The following KIAA1671 variants were observed in gnomAD, a reference collection of about 807,000 sequenced individuals.
KIAA1671 encodes KIAA1671, also known as uncharacterized protein KIAA1671.
In KIAA1671, 52 loss-of-function variants were observed where a neutral mutation model predicts 131.2. The observed-to-expected ratio is 0.40, with a 90% CI of 0.32 to 0.50. The LOEUF is 0.50. Among genes scored for constraint, KIAA1671 ranks in the 20% least tolerant of loss-of-function variants. KIAA1671 has a pLI of 0.73. For missense variants in KIAA1671, 2,360 were observed against 2,364.2 expected (o/e 1.00, Z 0.04); for synonymous variants, 1,003 against 961.6 (o/e 1.04, Z -0.80).
At chr22:25,115,185 T>C (rs1389856171) in intron 6 of KIAA1671, among the ~76,000 whole-genome samples, 1 of 152,168 alleles carries the variant, frequency 6.6e-6, no homozygotes, top group Non-Finnish European at 1.5e-5. Flanking sequence ...CATGTGAGCC[T>C]GAGAAACACG....
intron 6 of KIAA1671, among the ~76,000 whole-genome samples, chr22:25,157,736 C>T (rs1167037859): frequency 6.6e-6 from 1 of 151,946 alleles, no homozygotes; most frequent in Non-Finnish European, 1.5e-5. Flanking sequence ...ATCAGTCTCT[C>T]CTATTTTGCA....
At chr22:25,074,970 G>C (rs1016222314) in intron 6 of KIAA1671, among the ~76,000 whole-genome samples, 1 of 152,138 alleles carries the variant, frequency 6.6e-6, no homozygotes, top group Non-Finnish European at 1.5e-5. Flanking sequence ...ACTTATTTTA[G>C]AATACTTGAG....
intron 1 of KIAA1671, among the ~76,000 whole-genome samples, chr22:25,004,843 G>A (rs868014704): frequency 6.6e-6 from 1 of 151,840 alleles, no homozygotes; most frequent in Non-Finnish European, 1.5e-5. Context: ...CTACTCGGGA[G>A]GCTGAGGCAG....
At chr22:24,953,929 C>G (rs1320220975) in intron 1 of KIAA1671, among the ~76,000 whole-genome samples, 20 of 152,084 alleles carry the variant, frequency 1.3e-4, no homozygotes. Context: ...AACACTTAAC[C>G]TATCTGAATC....
chr22:25,159,118 C>T (rs991660920), intron 6 of KIAA1671, among the ~76,000 whole-genome samples: 4 of 152,106 alleles, frequency 2.6e-5, no homozygotes, highest in African/African-American at 7.2e-5. Context: ...CCTGGGCCTC[C>T]CAGCCCAGCT....
intron 6 of KIAA1671, among the ~76,000 whole-genome samples, chr22:25,073,915 A>G (rs1928960194): frequency 6.6e-6 from 1 of 152,170 alleles, no homozygotes; most frequent in African/African-American, 2.4e-5. Flanking sequence ...GCTGGTCTCA[A>G]ACTCCTGACC....
At chr22:25,153,169 C>T (rs184868457) in intron 6 of KIAA1671, among the ~76,000 whole-genome samples, 24 of 152,234 alleles carry the variant, frequency 1.6e-4, no homozygotes, top group African/African-American at 5.5e-4. Context: ...TGTATATGTA[C>T]CATATGCATA....
chr22:25,150,137 G>A (rs138781031), intron 6 of KIAA1671, among the ~76,000 whole-genome samples: 55 of 152,348 alleles, frequency 3.6e-4, no homozygotes, highest in Non-Finnish European at 6.8e-4. Context: ...TGTCCTGAGC[G>A]AGCACCAGAC....
chr22:25,015,912 G>A (rs990857047), intron 1 of KIAA1671, among the ~76,000 whole-genome samples: 21 of 152,190 alleles, frequency 1.4e-4, no homozygotes, highest in African/African-American at 4.6e-4. Flanking sequence ...CACTCCGTAC[G>A]AAAATGAGCT....
chr22:25,070,093 A>T, intron 6 of KIAA1671: 1 of 343,574 alleles, frequency 2.9e-6, no homozygotes, highest in Admixed American at 4.8e-5. Flanking sequence ...AGCTGGGTTC[A>T]GAAGGATCCA....
At chr22:25,075,445 G>A (rs1929052294) in intron 6 of KIAA1671, among the ~76,000 whole-genome samples, 1 of 151,816 alleles carries the variant, frequency 6.6e-6, no homozygotes, top group Admixed American at 6.6e-5. Context: ...TTCGCTTTTA[G>A]TTTCATCCCT....
intron 6 of KIAA1671, among the ~76,000 whole-genome samples, chr22:25,085,468 C>T (rs936155574): frequency 6.6e-6 from 1 of 152,136 alleles, no homozygotes; most frequent in Non-Finnish European, 1.5e-5. Context: ...GTGTATATTT[C>T]CAGCAGTTTC....
At chr22:25,031,127 A>G (rs940468505) in intron 3 of KIAA1671, among the ~76,000 whole-genome samples, 2 of 151,846 alleles carry the variant, frequency 1.3e-5, no homozygotes, top group Admixed American at 6.5e-5. Context: ...CCCGGGTTCA[A>G]GTGATTCTCC....
At chr22:25,177,628 G>A (rs1241237477) in intron 9 of KIAA1671, 106 bp downstream of exon 9, 4 of 940,198 alleles carry the variant, frequency 4.3e-6, no homozygotes, top group Non-Finnish European at 4.7e-6. Context: ...TAGATCATTA[G>A]AACACAATTA....
intron 6 of KIAA1671, among the ~76,000 whole-genome samples, chr22:25,155,024 G>A (rs1013580453): frequency 1.1e-4 from 16 of 152,170 alleles, no homozygotes; most frequent in Admixed American, 2.6e-4. Context: ...GGCCTTCTGC[G>A]CCCTCTCCCC....
In KIAA1671 at chr22:25,103,212, C is replaced by CATT. The variant is rs1555878794; in HGVS notation, c.4530+53848_4530+53849insATT. Among the ~76,000 whole-genome samples the CATT allele has an allele frequency of 1.7e-4, 24 of 140,352 alleles. 1 individual carries two copies. The highest frequency in any genetic ancestry group is 6.3e-4 in the African/African-American group (24 of 37,822). 92.1% of individuals were successfully genotyped at this position (140,352 alleles called of 152,430 possible). Reference sequence around the variant, plus strand: ...CTTGGGCAAGTCCCCCCCCAACCGCCTTTTTTTTTTTTTTTGAGAACGGCG... The same window carrying CATT: ...CTTGGGCAAGTCCCCCCCCAACCGCCATTTTTTTTTTTTTTTTTGAGAACGGCG... On this transcript the variant is annotated intron_variant, in intron 6 of 12. Transcript: ENST00000358431.
At chr22:25,184,564 T>C (rs1288283740) in intron 10 of KIAA1671, among the ~76,000 whole-genome samples, 2 of 152,188 alleles carry the variant, frequency 1.3e-5, no homozygotes, top group Non-Finnish European at 2.9e-5. Context: ...GGTTTTCTTA[T>C]GGGACTCTAA....
intron 6 of KIAA1671, among the ~76,000 whole-genome samples, chr22:25,121,289 T>C (rs1288740068): frequency 6.6e-6 from 1 of 152,044 alleles, no homozygotes; most frequent in Admixed American, 6.6e-5. Flanking sequence ...GGTGAAAACC[T>C]ATCTCTACTA....
At position 25,039,337 on chromosome 22, in the gene KIAA1671, T is replaced by C; in HGVS notation, c.2207T>C (p.Val736Ala). 1 of 1,551,976 alleles carries C rather than the reference T, an allele frequency of 6.4e-7. No homozygotes were observed. Among genetic ancestry groups the C allele is most frequent in the Non-Finnish European group, 8.7e-7 (1 of 1,147,060 alleles). ...SQRIEPRYDIVHAVGERVHSE... is the reference protein window; with the variant it reads ...SQRIEPRYDIAHAVGERVHSE... Reference sequence around the variant, plus strand: ...AGAATTGAGCCCAGATATGACATTGTGCATGCAGTGGGAGAGCGTGTGCAC... The same window carrying C: ...AGAATTGAGCCCAGATATGACATTGCGCATGCAGTGGGAGAGCGTGTGCAC... Residue 736 changes from valine to alanine, a missense_variant, in exon 5 of 13, where the codon GTG becomes GCG. Physicochemically the swap from Val to Ala is moderately conservative, Grantham distance 64. This residue lies in a region of KIAA1671 where 1,185 missense variants were observed against 1,126.2 expected (regional missense o/e 1.05). Coordinates refer to ENST00000358431, the MANE Select transcript of KIAA1671 (RefSeq NM_001145206.2).
Sources: allele counts gnomAD v4.1 joint callset (sites outside exome capture counted in the v4.1 genomes callset), GRCh38; gene constraint gnomAD v4.1.1; regional missense constraint gnomAD v4.1.1; transcripts MANE v1.5; gene names NCBI Gene and HGNC (gene_info 2026-07-23, HGNC 2026-07-21).